KCTD11: variants seen among roughly 807,000 people sequenced by gnomAD.
The protein encoded by KCTD11 is potassium channel tetramerization domain containing 11, also known as BTB/POZ domain-containing protein KCTD11.
A neutral mutation model predicts 10.7 loss-of-function variants in KCTD11; 8 were observed. That is an observed-to-expected ratio of 0.74 (90% CI 0.44 to 1.34). The LOEUF (loss-of-function observed/expected upper bound fraction) is 1.34, where lower values mean the gene tolerates loss of function less well. Among genes scored for constraint, KCTD11 ranks in the 40% most tolerant of loss-of-function variants. KCTD11 has a pLI of 0.01. For synonymous variants in KCTD11, 153 were observed against 160.8 expected, an observed-to-expected ratio of 0.95 and a Z score of 0.37; for missense variants, 346 against 356.1, an observed-to-expected ratio of 0.97 and a Z score of 0.23.
rs369968482 is a variant in KCTD11, at chr17:7,352,775, C to G, written c.-51C>G. ...AGCTTCGACCCAATTCTGCACACACCCAGGAAGTTCTGCCTTTTCTTTTCT... is the reference window on the plus strand; with the variant it reads ...AGCTTCGACCCAATTCTGCACACACGCAGGAAGTTCTGCCTTTTCTTTTCT... On this transcript the variant is annotated 5_prime_UTR_variant, in exon 1 of 1. Transcript: ENST00000333751. The surrounding 1 kb of genome is among the most constrained non-coding windows in gnomAD (Gnocchi z 4.5). 2 of 603,914 alleles carry G rather than the reference C, an allele frequency of 3.3e-6. No individual in the cohort carries two copies. The highest frequency in any genetic ancestry group is 3.7e-5 in the African/African-American group (2 of 53,984). 37.4% of individuals were successfully genotyped at this position (603,914 alleles called of 1,614,324 possible).
chr17:7,353,617 G>C lies in KCTD11; in HGVS notation c.792G>C (p.Arg264Ser). The C allele has an allele frequency of 6.6e-7, 1 of 1,520,682 alleles. No individual in the cohort carries two copies. Among genetic ancestry groups the C allele is most frequent in the Non-Finnish European group, 8.8e-7 (1 of 1,135,708 alleles). The allele number at this position is 1,520,682 out of a possible 1,614,324, so 94.2% of individuals were successfully genotyped here. Reference sequence around the variant, plus strand: ...ACCCCGAAGACCTGCTCAACTCCAGGTCTCTGCGCTTTGTCCGGCACTGAG... The same window carrying C: ...ACCCCGAAGACCTGCTCAACTCCAGCTCTCTGCGCTTTGTCCGGCACTGAG... The change falls in exon 1 of 1, where the codon AGG becomes AGC. Residue 264 changes from arginine (R) to serine (S), a missense_variant. By Grantham distance (110) the Arg-to-Ser change is moderately radical. Transcript: ENST00000333751. The surrounding 1 kb of genome is among the most constrained non-coding windows in gnomAD (Gnocchi z 4.9).
chr17:7,353,538 A>G lies in KCTD11; in HGVS notation c.713A>G (p.Glu238Gly). ...GTGGGCACCCCAAGCTTCCTGGAGG[A>G]GGTGCTGCGGGTGGCTCTCGAGCAC... The change falls in exon 1 of 1, where the codon GAG (glutamate) becomes GGG (glycine). Residue 238 changes from glutamate to glycine, a missense_variant. Coordinates refer to ENST00000333751, the MANE Select transcript of KCTD11 (RefSeq NM_001363642.1). This position sits in a 1 kb window ranked among gnomAD's most constrained non-coding sequence, Gnocchi z 4.9. 6.4e-7 allele frequency: 1 copy of G among 1,572,784 alleles called. No individual in the cohort carries two copies. The highest frequency in any genetic ancestry group is 8.6e-7 in the Non-Finnish European group (1 of 1,157,702).
chr17:7,352,863 T>G lies in KCTD11; in HGVS notation c.38T>G (p.Phe13Cys). Residue 13 changes from phenylalanine (F) to cysteine (C), a missense_variant, in exon 1 of 1, where the codon TTT (phenylalanine) becomes TGT (cysteine). By Grantham distance (205) the Phe-to-Cys change is radical. Coordinates refer to ENST00000333751, the MANE Select transcript of KCTD11 (RefSeq NM_001363642.1). The surrounding 1 kb of genome is among the most constrained non-coding windows in gnomAD (Gnocchi z 4.5). Reference sequence around the variant, plus strand: ...CCTGTGCCCTCTTCGCCCCCCTCCTTTGGGGGCCCCGTGACCCTGAATGTG... The same window carrying G: ...CCTGTGCCCTCTTCGCCCCCCTCCTGTGGGGGCCCCGTGACCCTGAATGTG... 1.6e-6 allele frequency: 2 copies of G among 1,241,566 alleles called. No homozygotes were observed. The highest frequency in any genetic ancestry group is 2.2e-6 in the Non-Finnish European group (2 of 890,936). 76.9% of individuals were successfully genotyped at this position (1,241,566 alleles called of 1,614,324 possible).
Position 7,353,980 on chromosome 17 carries a change from C to A in KCTD11, c.*339C>A. ...ATCTCTTTACCCAGACTAGACCTAG[C>A]AAAACCCTGGAAGGATATTGAGGTC... On this transcript the variant is annotated 3_prime_UTR_variant, in exon 1 of 1. Transcript: ENST00000333751. The surrounding 1 kb of genome is among the most constrained non-coding windows in gnomAD (Gnocchi z 4.9). 1 of 257,540 alleles carries A rather than the reference C, an allele frequency of 3.9e-6. No homozygotes were observed. The highest frequency in any genetic ancestry group is 7.9e-6 in the Non-Finnish European group (1 of 125,790). The allele number at this position is 257,540 out of a possible 1,614,324, so 16.0% of individuals were successfully genotyped here. A position where few individuals can be genotyped will look rare whatever the true frequency, so the allele number is the denominator to read the frequency against.
chr17:7,353,153 G>T lies in KCTD11; in HGVS notation c.328G>T (p.Asp110Tyr). The T allele has an allele frequency of 1.9e-6, 3 of 1,613,244 alleles. No homozygotes were observed. Among genetic ancestry groups the T allele is most frequent in the Non-Finnish European group, 2.5e-6 (3 of 1,179,694 alleles). The stretch of plus-strand genomic sequence containing the variant: ...CTTCTACCAGATCCGGCCCCTCCTG[G>T]ACGCGCTGCGGGAACTGGAGGCCTC... Residue 110 changes from aspartate to tyrosine, a missense_variant, in exon 1 of 1, where the codon GAC (aspartate) becomes TAC (tyrosine). Coordinates refer to ENST00000333751, the MANE Select transcript of KCTD11 (RefSeq NM_001363642.1). The surrounding 1 kb of genome is among the most constrained non-coding windows in gnomAD (Gnocchi z 4.9).
Position 7,353,318 on chromosome 17 carries a change from C to A in KCTD11, c.493C>A (p.Leu165Ile), listed in dbSNP as rs1479338489. Residue 165 changes from leucine (L) to isoleucine (I), a missense_variant, in exon 1 of 1, where the codon CTT becomes ATT. By Grantham distance (5) the Leu-to-Ile change is conservative. Transcript: ENST00000333751. The surrounding 1 kb of genome is among the most constrained non-coding windows in gnomAD (Gnocchi z 4.9). ...CCAGGTGGACACCTTCCGAGCCAAC[C>A]TTTTCTGCACCGACTCTGAGTGTCT... 2.5e-6 allele frequency: 4 copies of A among 1,614,012 alleles called. No individual in the cohort carries two copies. In the African/African-American group the frequency reaches 4.0e-5, roughly 16 times the overall value.
rs751386639 is a variant in KCTD11, at chr17:7,353,286, G to A, written c.461G>A (p.Ser154Asn). 3.1e-6 allele frequency: 5 copies of A among 1,613,916 alleles called. No homozygotes were observed. Among genetic ancestry groups the A allele is most frequent in the African/African-American group, 2.7e-5 (2 of 74,946 alleles). ...CGGGGACCCCATCACTATGAGCTGA[G>A]CTCCGTCCAGGTGGACACCTTCCGA... The change falls in exon 1 of 1, where the codon AGC becomes AAC. Residue 154 changes from serine (S) to asparagine (N), a missense_variant. Ser to Asn is a conservative substitution (Grantham distance 46, BLOSUM62 1). Coordinates refer to ENST00000333751, the MANE Select transcript of KCTD11 (RefSeq NM_001363642.1). This position sits in a 1 kb window ranked among gnomAD's most constrained non-coding sequence, Gnocchi z 4.9.
At position 7,352,954 on chromosome 17, in the gene KCTD11, C is replaced by T. The variant is rs768718283; in HGVS notation, c.129C>T (p.Ala43=). ...GCTTCCCAGACTCTATGCTGGGGGC[C>T]ATGTTTAGGGCCGGCACCCCCATGC... Residue 43 remains alanine, a synonymous_variant, in exon 1 of 1, where the codon GCC becomes GCT. Transcript: ENST00000333751. This position sits in a 1 kb window ranked among gnomAD's most constrained non-coding sequence, Gnocchi z 4.5. 15 of 1,589,830 alleles carry T rather than the reference C, an allele frequency of 9.4e-6. No homozygotes were observed. The highest frequency in any genetic ancestry group is 1.3e-5 in the African/African-American group (1 of 74,692).
chr17:7,352,906 C>T lies in KCTD11; in HGVS notation c.81C>T (p.Ser27=), dbSNP rs753678213. 8.5e-6 allele frequency: 13 copies of T among 1,526,418 alleles called. No homozygotes were observed. Among genetic ancestry groups the T allele is most frequent in the South Asian group, 2.5e-5 (2 of 81,234 alleles). The allele number at this position is 1,526,418 out of a possible 1,614,324, so 94.6% of individuals were successfully genotyped here. A position where few individuals can be genotyped will look rare whatever the true frequency, so the allele number is the denominator to read the frequency against. ...TGAATGTGGGGGGCACACTATATTC[C>T]ACCACTTTGGAGACCCTGACCCGCT... The change falls in exon 1 of 1, where the codon TCC becomes TCT. Residue 27 remains serine (S), a synonymous_variant. Transcript: ENST00000333751. This position sits in a 1 kb window ranked among gnomAD's most constrained non-coding sequence, Gnocchi z 4.5.
rs760060305 is a variant in KCTD11 at position 7,353,132 on chromosome 17, T to C, written c.307T>C (p.Tyr103His). ...GCTGCTCAGGGCAGAGGCTGACTTC[T>C]ACCAGATCCGGCCCCTCCTGGACGC... Residue 103 changes from tyrosine to histidine, a missense_variant, in exon 1 of 1, where the codon TAC (tyrosine) becomes CAC (histidine). By Grantham distance (83) the Tyr-to-His change is moderately conservative (BLOSUM62 2). Coordinates refer to ENST00000333751, the MANE Select transcript of KCTD11 (RefSeq NM_001363642.1). This position sits in a 1 kb window ranked among gnomAD's most constrained non-coding sequence, Gnocchi z 4.9. The C allele has an allele frequency of 5.6e-6, 9 of 1,612,990 alleles. No individual in the cohort carries two copies. The highest frequency in any genetic ancestry group is 7.6e-6 in the Non-Finnish European group (9 of 1,179,424).
rs752203395 is a variant in KCTD11, at chr17:7,353,041, C to G, written c.216C>G (p.Phe72Leu). The G allele has an allele frequency of 6.2e-7, 1 of 1,613,636 alleles. No homozygotes were observed. The highest frequency in any genetic ancestry group is 1.7e-5 in the Admixed American group (1 of 60,032). Residue 72 changes from phenylalanine to leucine, a missense_variant, in exon 1 of 1, where the codon TTC (phenylalanine) becomes TTG (leucine). Coordinates refer to ENST00000333751, the MANE Select transcript of KCTD11 (RefSeq NM_001363642.1). This position sits in a 1 kb window ranked among gnomAD's most constrained non-coding sequence, Gnocchi z 4.9. The stretch of plus-strand genomic sequence containing the variant: ...TCATCGACCGGGATGGCAAGGCCTT[C>G]CGGCACATCCTCAATTTCCTGAGGC...
Position 7,353,624 on chromosome 17 carries a change from C to T in KCTD11, c.799C>T (p.Arg267Cys). Residue 267 changes from arginine to cysteine, a missense_variant, in exon 1 of 1, where the codon CGC (arginine) becomes TGC (cysteine). Transcript: ENST00000333751. This position sits in a 1 kb window ranked among gnomAD's most constrained non-coding sequence, Gnocchi z 4.9. ...AGACCTGCTCAACTCCAGGTCTCTG[C>T]GCTTTGTCCGGCACTGAGGATGCTG... The T allele has an allele frequency of 6.6e-7, 1 of 1,519,188 alleles. No homozygotes were observed. Among genetic ancestry groups the T allele is most frequent in the Non-Finnish European group, 8.8e-7 (1 of 1,134,860 alleles). 94.1% of individuals were successfully genotyped at this position (1,519,188 alleles called of 1,614,324 possible).
At position 7,354,305 on chromosome 17, in the gene KCTD11, A is replaced by G. The variant is rs2073451040; in HGVS notation, c.*664A>G. ...GGCTGGCCAGGGGGAAGAGGGTAGT[A>G]TCTGTGGGTCCTGGCCTTTCTTCAT... On this transcript the variant is annotated 3_prime_UTR_variant, in exon 1 of 1. Coordinates refer to ENST00000333751, the MANE Select transcript of KCTD11 (RefSeq NM_001363642.1). The G allele has an allele frequency of 6.0e-6, 1 of 167,226 alleles. No individual in the cohort carries two copies. Among genetic ancestry groups the G allele is most frequent in the South Asian group, 2.1e-4 (1 of 4,832 alleles). 10.4% of individuals were successfully genotyped at this position (167,226 alleles called of 1,614,324 possible).
At position 7,353,193 on chromosome 17, in the gene KCTD11, C is replaced by A. The variant is rs2073431374; in HGVS notation, c.368C>A (p.Ala123Glu). ...CTGGAGGCCTCTCAGGGGACCCCTG[C>A]ACCCACAGCTGCCCTGCTCCACGCA... The change falls in exon 1 of 1, where the codon GCA becomes GAA. Residue 123 changes from alanine to glutamate, a missense_variant. Ala to Glu is a moderately radical substitution (Grantham distance 107). Coordinates refer to ENST00000333751, the MANE Select transcript of KCTD11 (RefSeq NM_001363642.1). This position sits in a 1 kb window ranked among gnomAD's most constrained non-coding sequence, Gnocchi z 4.9. 1 of 1,613,524 alleles carries A rather than the reference C, an allele frequency of 6.2e-7. No homozygotes were observed. Among genetic ancestry groups the A allele is most frequent in the Non-Finnish European group, 8.5e-7 (1 of 1,180,016 alleles).
In KCTD11 at chr17:7,353,225, G is replaced by C; in HGVS notation, c.400G>C (p.Asp134His). 1 of 1,613,584 alleles carries C rather than the reference G, an allele frequency of 6.2e-7. No homozygotes were observed. The highest frequency in any genetic ancestry group is 1.3e-5 in the African/African-American group (1 of 75,078). Residue 134 changes from aspartate to histidine, a missense_variant, in exon 1 of 1, where the codon GAT (aspartate) becomes CAT (histidine). By Grantham distance (81) the Asp-to-His change is moderately conservative (BLOSUM62 -1). Coordinates refer to ENST00000333751, the MANE Select transcript of KCTD11 (RefSeq NM_001363642.1). This position sits in a 1 kb window ranked among gnomAD's most constrained non-coding sequence, Gnocchi z 4.9. ...AGCTGCCCTGCTCCACGCAGATGTA[G>C]ATGTCAGCCCCCGCCTGGTGCACTT...
In KCTD11 at chr17:7,353,836, G is replaced by A; in HGVS notation, c.*195G>A. On this transcript the variant is annotated 3_prime_UTR_variant, in exon 1 of 1. Transcript: ENST00000333751. The surrounding 1 kb of genome is among the most constrained non-coding windows in gnomAD (Gnocchi z 4.9). ...CAAGTGGTCCAGAAGGTCTCAACCT[G>A]TGCTGACCCTGGGAGGGGTAGGGAA... 2 of 533,904 alleles carry A rather than the reference G, an allele frequency of 3.7e-6. No homozygotes were observed. Among genetic ancestry groups the A allele is most frequent in the Non-Finnish European group, 6.5e-6 (2 of 307,274 alleles). 33.1% of individuals were successfully genotyped at this position (533,904 alleles called of 1,614,324 possible).
Position 7,353,044 on chromosome 17 carries a change from G to A in KCTD11, c.219G>A (p.Arg73=), listed in dbSNP as rs760349549. The A allele has an allele frequency of 1.1e-5, 17 of 1,613,468 alleles. No homozygotes were observed. In the Admixed American group the frequency reaches 2.8e-4, roughly 27 times the overall value. Residue 73 remains arginine (R), a synonymous_variant, in exon 1 of 1, where the codon CGG becomes CGA. Coordinates refer to ENST00000333751, the MANE Select transcript of KCTD11 (RefSeq NM_001363642.1). This position sits in a 1 kb window ranked among gnomAD's most constrained non-coding sequence, Gnocchi z 4.9. ...TCGACCGGGATGGCAAGGCCTTCCG[G>A]CACATCCTCAATTTCCTGAGGCTGG...
Position 7,352,623 on chromosome 17 carries a change from T to G in KCTD11, c.-203T>G. 1 of 466,682 alleles carries G rather than the reference T, an allele frequency of 2.1e-6. No homozygotes were observed. The highest frequency in any genetic ancestry group is 3.8e-6 in the Non-Finnish European group (1 of 265,228). The allele number at this position is 466,682 out of a possible 1,614,324, so 28.9% of individuals were successfully genotyped here. A position where few individuals can be genotyped will look rare whatever the true frequency, so the allele number is the denominator to read the frequency against. ...GGCTGCCCTCTGCTCTTTTCATCTC[T>G]TCTCTCAACCTTTTGGGGATTTCTG... On this transcript the variant is annotated 5_prime_UTR_variant, in exon 1 of 1. Coordinates refer to ENST00000333751, the MANE Select transcript of KCTD11 (RefSeq NM_001363642.1). The surrounding 1 kb of genome is among the most constrained non-coding windows in gnomAD (Gnocchi z 4.5).
Position 7,353,327 on chromosome 17 carries a change from A to G in KCTD11, c.502A>G (p.Thr168Ala). The G allele has an allele frequency of 6.2e-7, 1 of 1,614,118 alleles. No individual in the cohort carries two copies. The highest frequency in any genetic ancestry group is 8.5e-7 in the Non-Finnish European group (1 of 1,180,040). Reference sequence around the variant, plus strand: ...CACCTTCCGAGCCAACCTTTTCTGCACCGACTCTGAGTGTCTAGGTGCTTT... The same window carrying G: ...CACCTTCCGAGCCAACCTTTTCTGCGCCGACTCTGAGTGTCTAGGTGCTTT... The change falls in exon 1 of 1, where the codon ACC becomes GCC. Residue 168 changes from threonine to alanine, a missense_variant. By Grantham distance (58) the Thr-to-Ala change is moderately conservative. Coordinates refer to ENST00000333751, the MANE Select transcript of KCTD11 (RefSeq NM_001363642.1). The surrounding 1 kb of genome is among the most constrained non-coding windows in gnomAD (Gnocchi z 4.9).
Sources: allele counts gnomAD v4.1 joint callset, GRCh38; gene constraint gnomAD v4.1.1; non-coding constraint Gnocchi (gnomAD v3.1); transcripts MANE v1.5; gene names NCBI Gene and HGNC (gene_info 2026-07-23, HGNC 2026-07-21).